The following CACNA2D3 variants were observed in gnomAD, a reference collection of about 807,000 sequenced individuals.
The protein encoded by CACNA2D3 is voltage-dependent calcium channel subunit alpha-2/delta-3.
In CACNA2D3, 60 loss-of-function variants were observed where a neutral mutation model predicts 160.6. That is an observed-to-expected ratio of 0.37 (90% CI 0.30 to 0.46). CACNA2D3 has a LOEUF of 0.46. Ranked by LOEUF, CACNA2D3 falls within the 20% of genes least tolerant of loss-of-function variation. The probability of loss-of-function intolerance (pLI) is 1.00; values close to 1 mark genes in which losing one functional copy is unlikely to be tolerated. For missense variants in CACNA2D3, 1,205 were observed against 1,365.0 expected, an observed-to-expected ratio of 0.88 and a Z score of 1.85; for synonymous variants, 558 against 492.9, an observed-to-expected ratio of 1.13 and a Z score of -1.75.
intron 4 of CACNA2D3, among the ~76,000 whole-genome samples, chr3:54,437,431 A>G (rs1451457979): frequency 6.6e-6 from 1 of 152,126 alleles, no homozygotes; most frequent in African/African-American, 2.4e-5. Context: ...CCCCTTGGGT[A>G]TTTTCCCGTG....
At chr3:54,703,646 C>T (rs1474421745) in intron 11 of CACNA2D3, among the ~76,000 whole-genome samples, 1 of 152,114 alleles carries the variant, frequency 6.6e-6, no homozygotes, top group African/African-American at 2.4e-5. Context: ...TTTGTAAGGT[C>T]TCATTTTCTT....
intron 5 of CACNA2D3, among the ~76,000 whole-genome samples, chr3:54,519,104 C>CATGCCACCTGCACA (rs1244687443): frequency 3.9e-5 from 6 of 152,320 alleles, no homozygotes; most frequent in East Asian, 1.9e-4. Flanking sequence ...TGCCAACTGT[C>CATGCCACCTGCACA]CTCAGTTGAC....
chr3:54,999,255 C>G (rs1186044248), intron 31 of CACNA2D3, among the ~76,000 whole-genome samples: 1 of 152,136 alleles, frequency 6.6e-6, no homozygotes, highest in African/African-American at 2.4e-5. Flanking sequence ...ATTAGCACTC[C>G]TATCAACAGG....
chr3:54,851,019 A>G (rs1000135787), intron 17 of CACNA2D3, among the ~76,000 whole-genome samples: 6 of 152,248 alleles, frequency 3.9e-5, no homozygotes, highest in Non-Finnish European at 4.4e-5. Flanking sequence ...CCTACCTCCA[A>G]TAACTCAAAC....
intron 12 of CACNA2D3, among the ~76,000 whole-genome samples, chr3:54,754,409 A>C (rs1236930692): frequency 6.6e-6 from 1 of 152,114 alleles, no homozygotes; most frequent in Non-Finnish European, 1.5e-5. Flanking sequence ...CCCCTCACAC[A>C]TGTTGTGGGC....
chr3:54,599,957 A>G (rs1015321700), intron 9 of CACNA2D3, among the ~76,000 whole-genome samples: 3 of 152,114 alleles, frequency 2.0e-5, no homozygotes, highest in Non-Finnish European at 2.9e-5. Context: ...GCCAGGTCCT[A>G]TGTTGTGCTG....
In CACNA2D3 at chr3:54,627,830, G is replaced by T; in HGVS notation, c.1007G>T (p.Gly336Val). Residue 336 changes from glycine (G) to valine (V), a missense_variant, in exon 10 of 38, where the codon GGA becomes GTA. Physicochemically the swap from Gly to Val is moderately radical, Grantham distance 109. Transcript: ENST00000474759. Reference sequence around the variant, plus strand: ...GACAAACTTTTCGCCAAAGGAATTGGAATGTTGGATATAGCTCTGAATGAG... The same window carrying T: ...GACAAACTTTTCGCCAAAGGAATTGTAATGTTGGATATAGCTCTGAATGAG... ...HLDKLFAKGIGMLDIALNEAF... is the reference protein window; with the variant it reads ...HLDKLFAKGIVMLDIALNEAF... 1 of 1,610,760 alleles carries T rather than the reference G, an allele frequency of 6.2e-7. No homozygotes were observed. The highest frequency in any genetic ancestry group is 8.5e-7 in the Non-Finnish European group (1 of 1,178,520).
intron 2 of CACNA2D3, among the ~76,000 whole-genome samples, chr3:54,280,839 C>T (rs1191068218): frequency 6.6e-6 from 1 of 152,206 alleles, no homozygotes; most frequent in African/African-American, 2.4e-5. Context: ...GGCATCCCTT[C>T]CTCTGGGAAA....
At chr3:54,736,118 T>TAC (rs879759260) in intron 11 of CACNA2D3, among the ~76,000 whole-genome samples, 2 of 66,970 alleles carry the variant, frequency 3.0e-5, no homozygotes, top group South Asian at 7.6e-4. Flanking sequence ...TGTATATATA[T>TAC]ACATATATAT....
chr3:54,423,606 C>T (rs1699869783), intron 4 of CACNA2D3, among the ~76,000 whole-genome samples: 1 of 152,172 alleles, frequency 6.6e-6, no homozygotes, highest in Non-Finnish European at 1.5e-5. Context: ...CATCATCTGC[C>T]TTGTAGTCAG....
intron 23 of CACNA2D3, among the ~76,000 whole-genome samples, chr3:54,887,010 G>C (rs1699942931): frequency 1.5e-5 from 2 of 134,724 alleles, no homozygotes; most frequent in South Asian, 4.7e-4. Context: ...CTCCTCTGCA[G>C]AGTGATTTGA....
At chr3:54,789,872 A>G (rs1217530578) in intron 13 of CACNA2D3, 2 of 517,712 alleles carry the variant, frequency 3.9e-6, no homozygotes. Flanking sequence ...CAGGCCGAGC[A>G]AGTTAAGGTG....
At chr3:54,183,951 A>T (rs1195436772) in intron 2 of CACNA2D3, among the ~76,000 whole-genome samples, 1 of 150,610 alleles carries the variant, frequency 6.6e-6, no homozygotes, top group African/African-American at 2.4e-5. Context: ...ATTTGAAGCA[A>T]AGTGGAATTA....
At chr3:54,388,382 G>T (rs1699225192) in intron 4 of CACNA2D3, among the ~76,000 whole-genome samples, 1 of 152,200 alleles carries the variant, frequency 6.6e-6, no homozygotes, top group African/African-American at 2.4e-5. Flanking sequence ...GTTCAGTTCA[G>T]TCATTGAGCT....
At chr3:54,136,572 C>T (rs1699819079) in intron 2 of CACNA2D3, among the ~76,000 whole-genome samples, 2 of 152,250 alleles carry the variant, frequency 1.3e-5, no homozygotes, top group South Asian at 4.1e-4. Context: ...GCTGCATCCA[C>T]CTTTCCCATC....
At chr3:54,944,686 G>T (rs1003439514) in intron 27 of CACNA2D3, among the ~76,000 whole-genome samples, 1 of 152,032 alleles carries the variant, frequency 6.6e-6, no homozygotes, top group African/African-American at 2.4e-5. Flanking sequence ...CTCCCAAAGT[G>T]CTGGGATTAC....
intron 31 of CACNA2D3, among the ~76,000 whole-genome samples, chr3:55,001,787 A>G (rs2107133593): frequency 6.6e-6 from 1 of 152,366 alleles, no homozygotes; most frequent in East Asian, 1.9e-4. Context: ...CTGGTTATTT[A>G]GATCTCAGAA....
chr3:54,783,258 A>G (rs1258683889), intron 13 of CACNA2D3, among the ~76,000 whole-genome samples: 1 of 152,024 alleles, frequency 6.6e-6, no homozygotes, highest in African/African-American at 2.4e-5. Flanking sequence ...AGTTTGAGTT[A>G]TATCACCTCT....
chr3:54,215,888 T>TC (rs386396668), intron 2 of CACNA2D3, among the ~76,000 whole-genome samples: 3 of 151,936 alleles, frequency 2.0e-5, no homozygotes, highest in Non-Finnish European at 2.9e-5. Context: ...TCTTTTCTTT[T>TC]TTTTTTCTTG....
Sources: gnomAD v4.1 joint callset for allele counts (sites outside exome capture counted in the v4.1 genomes callset) on GRCh38, gnomAD v4.1.1 for gene constraint, MANE v1.5 for transcripts, NCBI Gene and HGNC (gene_info 2026-07-23, HGNC 2026-07-21) for gene names.